The following KMT2D variants were observed in gnomAD, a reference collection of about 807,000 sequenced individuals.
The protein encoded by KMT2D is histone-lysine N-methyltransferase 2D.
A neutral mutation model predicts 512.7 loss-of-function variants in KMT2D; 55 were observed. The observed-to-expected ratio is 0.11, with a 90% confidence interval of 0.09 to 0.13. The LOEUF (loss-of-function observed/expected upper bound fraction) is 0.13. Among genes scored for constraint, KMT2D ranks in the 10% least tolerant of loss-of-function variants. KMT2D has a pLI of 1.00. For synonymous variants in KMT2D, 2,995 were observed against 2,904.0 expected, an observed-to-expected ratio of 1.03 and a Z score of -1.01; for missense variants, 6,061 against 7,127.9, an observed-to-expected ratio of 0.85 and a Z score of 5.39.
Position 49,037,157 on chromosome 12 carries a change from T to C in KMT2D, c.10199A>G (p.Gln3400Arg). The change falls in exon 35 of 55, where the codon CAG (glutamine) becomes CGG (arginine). Residue 3400 changes from glutamine to arginine, a missense_variant. By Grantham distance (43) the Gln-to-Arg change is conservative. Transcript: ENST00000301067. Reference sequence around the variant, plus strand: ...TGGGAAGAAGCTGTTTGCCAGCTGCTGCTGCATTGCCAATTGCTGCGGCTT... The same window carrying C: ...TGGGAAGAAGCTGTTTGCCAGCTGCCGCTGCATTGCCAATTGCTGCGGCTT... ...CMKPQQLAMQ[Q>R]QLANSFFPDT... The C allele has an allele frequency of 6.3e-7, 1 of 1,588,908 alleles. No homozygotes were observed. Among genetic ancestry groups the C allele is most frequent in the Non-Finnish European group, 8.6e-7 (1 of 1,162,150 alleles).
rs373229483 is a variant in KMT2D at position 49,051,579 on chromosome 12, G to A, written c.2104C>T (p.Pro702Ser). The A allele has an allele frequency of 3.1e-5, 49 of 1,602,778 alleles. No homozygotes were observed. The highest frequency in any genetic ancestry group is 4.0e-5 in the Non-Finnish European group (47 of 1,173,114). ...PPEDSPTSPPPEDSPASPPPE... is the reference protein window; with the variant it reads ...PPEDSPTSPPSEDSPASPPPE... The stretch of plus-strand genomic sequence containing the variant: ...GGTGGGGAAGCAGGTGAGTCCTCAG[G>A]TGGTGGGGATGTGGGGGAGTCCTCA... Residue 702 changes from proline to serine, a missense_variant, in exon 11 of 55, where the codon CCT becomes TCT. This residue lies in a region of KMT2D where 848 missense variants were observed against 838.5 expected (regional missense o/e 1.01). Transcript: ENST00000301067.
Position 49,028,116 on chromosome 12 carries a change from A to G in KMT2D, c.14408T>C (p.Val4803Ala). 6.2e-7 allele frequency: 1 copy of G among 1,613,846 alleles called. No individual in the cohort carries two copies. Among genetic ancestry groups the G allele is most frequent in the Non-Finnish European group, 8.5e-7 (1 of 1,179,848 alleles). ...GATCTTCATGCTCAGCAGCTCCGCC[A>G]CTGCCACCATCACGCCATTCAGGTT... ...AKNLNGVMVA[V>A]AELLSMKIPN... is the part of the protein sequence containing the mutation. The change falls in exon 47 of 55, where the codon GTG becomes GCG. Residue 4803 changes from valine (V) to alanine (A), a missense_variant. Around this residue, in one of 16 missense-constraint regions of KMT2D, gnomAD observed 1,600 missense variants for 1,754.9 expected, o/e 0.91. Transcript: ENST00000301067.
At position 49,051,408 on chromosome 12, in the gene KMT2D, G is replaced by C; in HGVS notation, c.2275C>G (p.Pro759Ala). 2 of 1,602,822 alleles carry C rather than the reference G, an allele frequency of 1.2e-6. No homozygotes were observed. The highest frequency in any genetic ancestry group is 1.7e-6 in the Non-Finnish European group (2 of 1,176,798). ...EPHLSPRPEE[P>A]HLSPQAEEPH... Reference sequence around the variant, plus strand: ...TCCTCAGCCTGCGGAGATAGGTGTGGCTCCTCAGGCCGGGGGGACAGGTGC... The same window carrying C: ...TCCTCAGCCTGCGGAGATAGGTGTGCCTCCTCAGGCCGGGGGGACAGGTGC... Residue 759 changes from proline to alanine, a missense_variant, in exon 11 of 55, where the codon CCA becomes GCA. By Grantham distance (27) the Pro-to-Ala change is conservative. Transcript: ENST00000301067.
chr12:49,030,219 C>G, intron 43 of KMT2D, 61 bp downstream of exon 43: 1 of 1,434,730 alleles, frequency 7.0e-7, no homozygotes, highest in South Asian at 1.2e-5. Flanking sequence ...GTACAGCATA[C>G]TAACTGGTTT....
Position 49,021,470 on chromosome 12 carries a change from T to C in KMT2D, c.*310A>G. ...CACCCTGCTGCCTCCCAGATGCTTC[T>C]GGGTAGTTCCCGGCCCATATCCCCC... On this transcript the variant is annotated 3_prime_UTR_variant, in exon 55 of 55. Transcript: ENST00000301067. 2.3e-6 allele frequency: 1 copy of C among 426,642 alleles called. No individual in the cohort carries two copies. Among genetic ancestry groups the C allele is most frequent in the East Asian group, 3.7e-5 (1 of 26,996 alleles). The allele number at this position is 426,642 out of a possible 1,614,324, so 26.4% of individuals were successfully genotyped here.
At position 49,044,818 on chromosome 12, in the gene KMT2D, T is replaced by G; in HGVS notation, c.4889A>C (p.Glu1630Ala). ...LPGEAGLEGS[E>A]PSDALGPDDK... Reference sequence around the variant, plus strand: ...ATCAGGGCCAAGGGCATCTGAGGGCTCAGAACCCTCCAATCCTGCCTCGCC... The same window carrying G: ...ATCAGGGCCAAGGGCATCTGAGGGCGCAGAACCCTCCAATCCTGCCTCGCC... The change falls in exon 20 of 55, where the codon GAG (glutamate) becomes GCG (alanine). Residue 1630 changes from glutamate (E) to alanine (A), a missense_variant. By Grantham distance (107) the Glu-to-Ala change is moderately radical. This residue lies in a region of KMT2D where 640 missense variants were observed against 814.3 expected (regional missense o/e 0.79). Transcript: ENST00000301067. The surrounding 1 kb of genome is among the most constrained non-coding windows in gnomAD (Gnocchi z 6.4). The G allele has an allele frequency of 6.2e-7, 1 of 1,614,014 alleles. No homozygotes were observed. The highest frequency in any genetic ancestry group is 8.5e-7 in the Non-Finnish European group (1 of 1,179,896).
At position 49,053,297 on chromosome 12, in the gene KMT2D, C is replaced by T; in HGVS notation, c.864G>A (p.Met288Ile). ...CTTTGTCACACGTCTCACAAACCAA[C>T]ATCTTAGAGTCATTCCCAGGTTTCC... The part of the protein sequence containing the change: ...ACRKPGNDSK[M>I]LVCETCDKGY... Residue 288 changes from methionine (M) to isoleucine (I), a missense_variant, in exon 8 of 55, where the codon ATG (methionine) becomes ATA (isoleucine). Met to Ile is a conservative substitution (Grantham distance 10, BLOSUM62 1). Coordinates refer to ENST00000301067, the MANE Select transcript of KMT2D (RefSeq NM_003482.4). The T allele has an allele frequency of 1.2e-6, 2 of 1,613,986 alleles. No homozygotes were observed. The highest frequency in any genetic ancestry group is 1.7e-6 in the Non-Finnish European group (2 of 1,179,862).
intron 8 of KMT2D, 55 bp from the exon 9 acceptor site, chr12:49,053,127 A>G (rs1938185260): frequency 7.4e-6 from 12 of 1,612,760 alleles, no homozygotes; most frequent in Non-Finnish European, 4.2e-6. Flanking sequence ...AGACTAAACG[A>G]AAGTACACAA....
At position 49,054,215 on chromosome 12, in the gene KMT2D, C is replaced by G. The variant is rs888451411; in HGVS notation, c.511-75G>C. 3.9e-5 allele frequency: 60 copies of G among 1,533,692 alleles called. No individual in the cohort carries two copies. The highest frequency in any genetic ancestry group is 5.2e-5 in the Non-Finnish European group (59 of 1,132,478). On this transcript the variant is annotated intron_variant, in intron 5 of 54. Transcript: ENST00000301067. This position sits in a 1 kb window ranked among gnomAD's most constrained non-coding sequence, Gnocchi z 6.4. ...AACAGTTCAGGCACTAGCTCTGCCC[C>G]AGTATACCCATGGTCCTTCTCATTC...
At position 49,031,888 on chromosome 12, in the gene KMT2D, G is replaced by A. The variant is rs201421392; in HGVS notation, c.12817C>T (p.Pro4273Ser). 2.0e-6 allele frequency: 3 copies of A among 1,533,208 alleles called. No individual in the cohort carries two copies. The highest frequency in any genetic ancestry group is 2.1e-5 in the Admixed American group (1 of 47,454). The allele number at this position is 1,533,208 out of a possible 1,614,324, so 95.0% of individuals were successfully genotyped here. A position where few individuals can be genotyped will look rare whatever the true frequency, so the allele number is the denominator to read the frequency against. Reference sequence around the variant, plus strand: ...GGCCCTGCCCCTAGCTCCTGGAGGGGGCCTGTCTGTGGTCCAGGGAAGCCC... The same window carrying A: ...GGCCCTGCCCCTAGCTCCTGGAGGGAGCCTGTCTGTGGTCCAGGGAAGCCC... The part of the protein sequence containing the change: ...LGGFPGPQTG[P>S]LQELGAGPRP... Residue 4273 changes from proline (P) to serine (S), a missense_variant, in exon 40 of 55, where the codon CCC (proline) becomes TCC (serine). This residue lies in a region of KMT2D where 1,600 missense variants were observed against 1,754.9 expected (regional missense o/e 0.91). Coordinates refer to ENST00000301067, the MANE Select transcript of KMT2D (RefSeq NM_003482.4).
intron 36 of KMT2D, 43 bp downstream of exon 36, chr12:49,034,769 T>C (rs1441927906): frequency 1.2e-6 from 2 of 1,607,794 alleles, no homozygotes; most frequent in Non-Finnish European, 1.7e-6. Context: ...GGGGTGTGAC[T>C]GGGAAAGAAA....
At chr12:49,028,249 G>C in intron 46 of KMT2D, 108 bp from the exon 47 acceptor site, 2 of 1,362,310 alleles carry the variant, frequency 1.5e-6, no homozygotes, top group Non-Finnish European at 2.0e-6. Flanking sequence ...ACTCCCCAGG[G>C]TAGTTCTATC....
chr12:49,030,443 AGGGGT>A lies in KMT2D; in HGVS notation c.13840-9_13840-5del. Reference sequence around the variant, plus strand: ...TCGGCGGGTTACTCAGGTTATTCTGAGGGGTGGGGGGTGGGGTGTTGTGTGCAAGA... The same window carrying A: ...TCGGCGGGTTACTCAGGTTATTCTGAGGGGGGTGGGGTGTTGTGTGCAAGA... On this transcript the variant is annotated splice_polypyrimidine_tract_variant and splice_region_variant and intron_variant, in intron 42 of 54. Coordinates refer to ENST00000301067, the MANE Select transcript of KMT2D (RefSeq NM_003482.4). 1 of 451,614 alleles carries A rather than the reference AGGGGT, an allele frequency of 2.2e-6. No individual in the cohort carries two copies. The highest frequency in any genetic ancestry group is 2.8e-5 in the South Asian group (1 of 35,122). The allele number at this position is 451,614 out of a possible 1,614,324, so 28.0% of individuals were successfully genotyped here. A position where few individuals can be genotyped will look rare whatever the true frequency, so the allele number is the denominator to read the frequency against.
rs2137705128 is a variant in KMT2D, at chr12:49,022,340, T to C, written c.16352A>G (p.Tyr5451Cys). 1 of 1,606,412 alleles carries C rather than the reference T, an allele frequency of 6.2e-7. No homozygotes were observed. The highest frequency in any genetic ancestry group is 8.5e-7 in the Non-Finnish European group (1 of 1,175,546). Residue 5451 changes from tyrosine (Y) to cysteine (C), a missense_variant, in exon 53 of 55, where the codon TAC becomes TGC. By Grantham distance (194) the Tyr-to-Cys change is radical (BLOSUM62 -2). Transcript: ENST00000301067. The surrounding 1 kb of genome is among the most constrained non-coding windows in gnomAD (Gnocchi z 8.6). The stretch of plus-strand genomic sequence containing the variant: ...ATGTTCATTGTTTATTCGGAACATG[T>C]AGATGCCTCGATTCTAGAAAGGCAG... The part of the protein sequence containing the change: ...KIYEEQNRGI[Y>C]MFRINNEHVI...
In KMT2D at chr12:49,051,221, T is replaced by C. The variant is rs2120665618; in HGVS notation, c.2462A>G (p.Glu821Gly). The change falls in exon 11 of 55, where the codon GAG becomes GGG. Residue 821 changes from glutamate to glycine, a missense_variant. Transcript: ENST00000301067. ...CTCAGGTTGGGGGGACAAGCATGGC[T>C]CCTCAGGCACAGGAGACAGGTGCGG... ...EEPHLSPVPE[E>G]PCLSPQPEES... 1 of 1,516,692 alleles carries C rather than the reference T, an allele frequency of 6.6e-7. No individual in the cohort carries two copies. The highest frequency in any genetic ancestry group is 8.9e-7 in the Non-Finnish European group (1 of 1,128,416). The allele number at this position is 1,516,692 out of a possible 1,614,324, so 94.0% of individuals were successfully genotyped here.
In KMT2D at chr12:49,026,253, C is replaced by T. The variant is rs1480603091; in HGVS notation, c.15713G>A (p.Arg5238Gln). 9 of 1,604,548 alleles carry T rather than the reference C, an allele frequency of 5.6e-6. No homozygotes were observed. The highest frequency in any genetic ancestry group is 3.3e-5 in the South Asian group (3 of 90,970). ...YRCSIGENNG[R>Q]PEFVIKVIEQ... ...GATGACTTTGATTACAAACTCCGGC[C>T]GCCCGTTGTTCTCACCAATAGAACA... Residue 5238 changes from arginine (R) to glutamine (Q), a missense_variant, in exon 49 of 55, where the codon CGG becomes CAG. Physicochemically the swap from Arg to Gln is conservative, Grantham distance 43. Coordinates refer to ENST00000301067, the MANE Select transcript of KMT2D (RefSeq NM_003482.4). This position sits in a 1 kb window ranked among gnomAD's most constrained non-coding sequence, Gnocchi z 9.6.
intron 46 of KMT2D, 35 bp downstream of exon 46, chr12:49,028,793 G>A (rs768141350): frequency 1.3e-5 from 21 of 1,610,118 alleles, no homozygotes; most frequent in Middle Eastern, 1.9e-4. Context: ...CTCTGATCAG[G>A]TTCCCCTCAG....
Position 49,034,413 on chromosome 12 carries a change from T to A in KMT2D, c.10504A>T (p.Ile3502Phe). 6.2e-7 allele frequency: 1 copy of A among 1,613,716 alleles called. No homozygotes were observed. Among genetic ancestry groups the A allele is most frequent in the South Asian group, 1.1e-5 (1 of 91,054 alleles). The change falls in exon 38 of 55, where the codon ATC becomes TTC. Residue 3502 changes from isoleucine to phenylalanine, a missense_variant. Transcript: ENST00000301067. ...TCCTCCCACGCCCCATACTCACTGA[T>A]CACTCCCTGAGCAAAAGTGGGCGGG... ...PNPPTFAQGV[I>F]NEADQRQYEE...
In KMT2D at chr12:49,032,268, C is replaced by T. The variant is rs774023846; in HGVS notation, c.12437G>A (p.Gly4146Glu). 6.2e-7 allele frequency: 1 copy of T among 1,613,798 alleles called. No individual in the cohort carries two copies. Residue 4146 changes from glycine (G) to glutamate (E), a missense_variant, in exon 40 of 55, where the codon GGG becomes GAG. Around this residue, in one of 16 missense-constraint regions of KMT2D, gnomAD observed 1,600 missense variants for 1,754.9 expected, o/e 0.91. Coordinates refer to ENST00000301067, the MANE Select transcript of KMT2D (RefSeq NM_003482.4). ...QPSVSLGDQP[G>E]SMTQNLLGPQ... is the part of the protein sequence containing the mutation. ...GCCCAGAAGGTTCTGGGTCATGGACCCAGGCTGATCCCCTAAGGAAACAGA... is the reference window on the plus strand; with the variant it reads ...GCCCAGAAGGTTCTGGGTCATGGACTCAGGCTGATCCCCTAAGGAAACAGA...
Sources: gnomAD v4.1 joint callset for allele counts on GRCh38, gnomAD v4.1.1 for gene constraint, gnomAD v4.1.1 regional missense constraint, Gnocchi (gnomAD v3.1) non-coding constraint, MANE v1.5 for transcripts, NCBI Gene and HGNC (gene_info 2026-07-23, HGNC 2026-07-21) for gene names.